Variants in ZNF729 observed in about 807,000 individuals in gnomAD.
ZNF729 encodes the protein zinc finger protein 729.
ZNF729 carries 15 observed loss-of-function variants against 12.2 expected under a neutral mutation model. The observed-to-expected ratio is 1.23, with a 90% CI of 0.82 to 1.89. ZNF729 has a LOEUF of 1.89. Among genes scored for constraint, ZNF729 ranks in the 40% most tolerant of loss-of-function variants. The probability of loss-of-function intolerance (pLI) is 0.00; values close to 1 mark genes in which losing one functional copy is unlikely to be tolerated. For synonymous variants in ZNF729, 492 were observed against 476.3 expected, an observed-to-expected ratio of 1.03 and a Z score of -0.43; for missense variants, 1,540 against 1,456.7, an observed-to-expected ratio of 1.06 and a Z score of -0.93.
chr19:22,312,482 A>G (rs1234646794), intron 3 of ZNF729, among the ~76,000 whole-genome samples: 1 of 114,276 alleles, frequency 8.8e-6, no homozygotes, highest in African/African-American at 4.4e-5. Context: ...GTGTGTTTAG[A>G]TAAAGAACGT....
Position 22,314,521 on chromosome 19 carries a change from A to G in ZNF729, c.1104A>G (p.Ile368Met). The G allele has an allele frequency of 6.2e-7, 1 of 1,611,250 alleles. No individual in the cohort carries two copies. The highest frequency in any genetic ancestry group is 8.5e-7 in the Non-Finnish European group (1 of 1,179,522). Residue 368 changes from isoleucine to methionine, a missense_variant, in exon 4 of 4, where the codon ATA (isoleucine) becomes ATG (methionine). Transcript: ENST00000601693. ...SQSSTLRKHEIIHTGEKPYKC... is the reference protein window; with the variant it reads ...SQSSTLRKHEMIHTGEKPYKC... The stretch of plus-strand genomic sequence containing the variant: ...CCTCAACCCTTAGAAAACATGAGAT[A>G]ATTCATACTGGAGAGAAACCCTACA...
chr19:22,309,311 G>T (rs1568575571), intron 3 of ZNF729, among the ~76,000 whole-genome samples: 1 of 152,266 alleles, frequency 6.6e-6, no homozygotes, highest in East Asian at 1.9e-4. Context: ...CAGGTGCAGT[G>T]GTGGGTGCCT....
intron 3 of ZNF729, among the ~76,000 whole-genome samples, chr19:22,312,038 G>A (rs1314745411): frequency 6.6e-6 from 1 of 152,012 alleles, no homozygotes; most frequent in African/African-American, 2.4e-5. Context: ...GCATGATATT[G>A]TGGGGTTCTC....
intron 1 of ZNF729, among the ~76,000 whole-genome samples, chr19:22,296,135 T>C (rs1357411406): frequency 6.6e-6 from 1 of 152,196 alleles, no homozygotes; most frequent in African/African-American, 2.4e-5. Context: ...AATGTTGCTG[T>C]TTCTATATAA....
Position 22,315,109 on chromosome 19 carries a change from A to C in ZNF729, c.1692A>C (p.Val564=), listed in dbSNP as rs1318869165. Reference sequence around the variant, plus strand: ...CATCAAAACTTACTGTACATAAGGTAATTCATACTGGAGAGAAACCCTGCA... The same window carrying C: ...CATCAAAACTTACTGTACATAAGGTCATTCATACTGGAGAGAAACCCTGCA... ...KWSSKLTVHK[V]IHTGEKPCKC... is the part of the protein sequence containing the mutation. The change falls in exon 4 of 4, where the codon GTA becomes GTC. Residue 564 remains valine, a synonymous_variant. Coordinates refer to ENST00000601693, the MANE Select transcript of ZNF729 (RefSeq NM_001242680.2). The C allele has an allele frequency of 1.1e-5, 18 of 1,611,038 alleles. No homozygotes were observed. Among genetic ancestry groups the C allele is most frequent in the Non-Finnish European group, 1.4e-5 (17 of 1,179,570 alleles).
rs568515393 is a variant in ZNF729, at chr19:22,295,544, G to A, written c.31-8214G>A. 2.7e-4 allele frequency among the ~76,000 whole-genome samples: 41 copies of A among 152,002 alleles called. No homozygotes were observed. In the South Asian group the frequency reaches 7.3e-3, roughly 27 times the overall value. ...TAGCTGGGACTACAGGCGACTACAG[G>A]CGCGCACCACTACGCCCGGCTGATT... On this transcript the variant is annotated intron_variant, in intron 1 of 3. Coordinates refer to ENST00000601693, the MANE Select transcript of ZNF729 (RefSeq NM_001242680.2).
At chr19:22,291,739 T>C (rs1968157862) in intron 1 of ZNF729, among the ~76,000 whole-genome samples, 1 of 152,212 alleles carries the variant, frequency 6.6e-6, no homozygotes, top group African/African-American at 2.4e-5. Flanking sequence ...TGTTTTGTTT[T>C]TGTTTTTGTT....
intron 3 of ZNF729, among the ~76,000 whole-genome samples, chr19:22,305,585 A>G (rs1187780294): frequency 6.6e-6 from 1 of 152,018 alleles, no homozygotes; most frequent in Non-Finnish European, 1.5e-5. Flanking sequence ...TATAATATCA[A>G]TTTTTGTCTC....
intron 1 of ZNF729, among the ~76,000 whole-genome samples, chr19:22,288,613 A>T (rs1424314976): frequency 6.6e-6 from 1 of 152,146 alleles, no homozygotes; most frequent in Non-Finnish European, 1.5e-5. Context: ...ATCTCCTGGC[A>T]TACTCTTCCT....
At chr19:22,309,118 G>T (rs917574763) in intron 3 of ZNF729, among the ~76,000 whole-genome samples, 1 of 152,126 alleles carries the variant, frequency 6.6e-6, no homozygotes. Context: ...TATTCTATGT[G>T]TGGCTAGCCA....
At chr19:22,309,868 C>A (rs1433492154) in intron 3 of ZNF729, among the ~76,000 whole-genome samples, 2 of 151,858 alleles carry the variant, frequency 1.3e-5, no homozygotes, top group Non-Finnish European at 2.9e-5. Flanking sequence ...TTGTTTGTGT[C>A]ATCTGTGGTT....
intron 3 of ZNF729, among the ~76,000 whole-genome samples, chr19:22,308,127 A>G (rs1215190475): frequency 6.6e-6 from 1 of 151,458 alleles, no homozygotes; most frequent in African/African-American, 2.4e-5. Flanking sequence ...TTGGTTTTCC[A>G]TTTCTGAGTT....
chr19:22,294,593 A>G (rs12459631), intron 1 of ZNF729, among the ~76,000 whole-genome samples: 19,721 of 148,614 alleles, frequency 0.13, 1,499 homozygotes, highest in East Asian at 0.28. Flanking sequence ...TTTTCTACCT[A>G]TGAGCATAGA....
intron 1 of ZNF729, among the ~76,000 whole-genome samples, chr19:22,298,148 G>A (rs766347169): frequency 3.3e-5 from 5 of 151,894 alleles, no homozygotes; most frequent in South Asian, 2.1e-4. Flanking sequence ...GCATAGTTAC[G>A]TGTAGTGTTT....
chr19:22,309,816 A>G (rs1424843516), intron 3 of ZNF729, among the ~76,000 whole-genome samples: 1 of 152,054 alleles, frequency 6.6e-6, no homozygotes, highest in Non-Finnish European at 1.5e-5. Flanking sequence ...CATTTTCACA[A>G]TATTGATTCT....
At chr19:22,287,908 TG>T (rs750785028) in intron 1 of ZNF729, among the ~76,000 whole-genome samples, 10 of 151,000 alleles carry the variant, frequency 6.6e-5, no homozygotes, top group Non-Finnish European at 1.3e-4. Flanking sequence ...TGTGGTGTCC[TG>T]ATCTTGGCTC....
At chr19:22,302,386 C>T (rs965236439) in intron 1 of ZNF729, among the ~76,000 whole-genome samples, 1 of 152,426 alleles carries the variant, frequency 6.6e-6, no homozygotes, top group Non-Finnish European at 1.5e-5. Context: ...TGTGCAGAAA[C>T]GCTTGGGCTT....
intron 1 of ZNF729, among the ~76,000 whole-genome samples, chr19:22,290,344 G>A (rs1483956440): frequency 2.0e-5 from 3 of 152,184 alleles, no homozygotes; most frequent in Non-Finnish European, 4.4e-5. Flanking sequence ...TTATTGTTTT[G>A]TGGTAGTTTC....
At chr19:22,304,663 A>G (rs769228217) in intron 2 of ZNF729, 25 bp from the exon 3 acceptor site, 36 of 1,576,902 alleles carry the variant, frequency 2.3e-5, no homozygotes, top group Non-Finnish European at 3.1e-5. Flanking sequence ...ACCAATATTT[A>G]TGTTATTTAT....
Sources: gnomAD v4.1 joint callset for allele counts (sites outside exome capture counted in the v4.1 genomes callset) on GRCh38, gnomAD v4.1.1 for gene constraint, MANE v1.5 for transcripts, NCBI Gene and HGNC (gene_info 2026-07-23, HGNC 2026-07-21) for gene names.